Variants in DHX15 observed in about 807,000 individuals in gnomAD.
DHX15 encodes the protein DEAH-box helicase 15.
A neutral mutation model predicts 94.4 loss-of-function variants in DHX15; 11 were observed. That is an observed-to-expected ratio of 0.12 (90% confidence interval 0.07 to 0.19). DHX15 has a LOEUF of 0.19. Among genes scored for constraint, DHX15 ranks in the 10% least tolerant of loss-of-function variants. The pLI is 1.00. For synonymous variants in DHX15, 338 were observed against 329.9 expected (o/e 1.02, Z -0.27); for missense variants, 304 against 988.5 (o/e 0.31, Z 9.29).
At chr4:24,541,375 AG>A (rs1192334931) in intron 8 of DHX15, among the ~76,000 whole-genome samples, 3 of 152,168 alleles carry the variant, frequency 2.0e-5, no homozygotes, top group African/African-American at 7.2e-5. Context: ...CAACTTTTGC[AG>A]TATCACAGTG....
intron 11 of DHX15, among the ~76,000 whole-genome samples, chr4:24,535,477 T>C (rs535818587): frequency 6.6e-6 from 1 of 152,172 alleles, no homozygotes; most frequent in Non-Finnish European, 1.5e-5. Context: ...CAGGGGTAAG[T>C]CTTTAACGCT....
intron 11 of DHX15, 150 bp downstream of exon 11, chr4:24,536,901 T>C (rs1003652299): frequency 2.2e-6 from 2 of 900,450 alleles, no homozygotes; most frequent in Non-Finnish European, 3.1e-6. Context: ...GCAATTTCTA[T>C]TTTAAATGCT....
At chr4:24,546,474 A>C (rs1193955326) in intron 6 of DHX15, among the ~76,000 whole-genome samples, 12 of 152,250 alleles carry the variant, frequency 7.9e-5, no homozygotes, top group Non-Finnish European at 1.8e-4. Flanking sequence ...AAAATGCAGA[A>C]GTTATCTACT....
At chr4:24,554,678 G>C (rs1452319521) in intron 5 of DHX15, 47 bp downstream of exon 5, 5 of 1,440,608 alleles carry the variant, frequency 3.5e-6, no homozygotes, top group South Asian at 1.2e-5. Context: ...CTGCATATTA[G>C]AAACAGTATG....
intron 3 of DHX15, 82 bp downstream of exon 3, chr4:24,570,572 C>A (rs1722100120): frequency 1.8e-5 from 23 of 1,291,088 alleles, no homozygotes; most frequent in East Asian, 2.4e-5. Context: ...ATGACATAAG[C>A]CTGCACTAGC....
At chr4:24,564,150 G>A (rs1159349289) in intron 3 of DHX15, among the ~76,000 whole-genome samples, 2 of 151,432 alleles carry the variant, frequency 1.3e-5, no homozygotes, top group Non-Finnish European at 2.9e-5. Flanking sequence ...TGTTATCAAG[G>A]TTTGAGAAAC....
At chr4:24,550,343 C>A (rs906809630) in intron 5 of DHX15, among the ~76,000 whole-genome samples, 1 of 151,858 alleles carries the variant, frequency 6.6e-6, no homozygotes, top group African/African-American at 2.4e-5. Context: ...ATTAAATTAA[C>A]CTTAGCTTAC....
chr4:24,570,642 T>C lies in DHX15; in HGVS notation c.701+12A>G, dbSNP rs1372143146. 3 of 1,613,004 alleles carry C rather than the reference T, an allele frequency of 1.9e-6. No individual in the cohort carries two copies. The highest frequency in any genetic ancestry group is 2.5e-6 in the Non-Finnish European group (3 of 1,179,094). On this transcript the variant is annotated intron_variant, in intron 3 of 13. Transcript: ENST00000336812. ...AGAGGACTAAAAGCGTCATTAAAGA[T>C]ATAGTACTTACTTAAGAATGGTTTT...
At chr4:24,570,942 A>G in intron 2 of DHX15, 95 bp from the exon 3 acceptor site, 1 of 1,283,808 alleles carries the variant, frequency 7.8e-7, no homozygotes, top group Non-Finnish European at 1.1e-6. Context: ...ATGATTTAAA[A>G]CCAAATCCAA....
chr4:24,546,699 C>A (rs1433283030), intron 6 of DHX15, among the ~76,000 whole-genome samples: 1 of 152,040 alleles, frequency 6.6e-6, no homozygotes, highest in Non-Finnish European at 1.5e-5. Flanking sequence ...GTACCACAAT[C>A]AAGTTATAAA....
At chr4:24,535,438 A>G (rs768297232) in intron 11 of DHX15, among the ~76,000 whole-genome samples, 2 of 152,202 alleles carry the variant, frequency 1.3e-5, no homozygotes, top group Non-Finnish European at 2.9e-5. Context: ...AGAGGAATAC[A>G]GTAGGTTTTT....
intron 2 of DHX15, among the ~76,000 whole-genome samples, chr4:24,572,140 G>GT (rs955603514): frequency 1.2e-4 from 19 of 152,148 alleles, no homozygotes; most frequent in African/African-American, 4.1e-4. Flanking sequence ...CAGATCTTTT[G>GT]TTTTTTTGTT....
chr4:24,575,552 CTA>C (rs1722238543), intron 2 of DHX15, among the ~76,000 whole-genome samples: 3 of 152,150 alleles, frequency 2.0e-5, no homozygotes, highest in Admixed American at 2.0e-4. Flanking sequence ...ACGTGTTCTC[CTA>C]CATGCTCATG....
intron 5 of DHX15, among the ~76,000 whole-genome samples, chr4:24,549,949 TG>T (rs1721551862): frequency 6.6e-6 from 1 of 151,236 alleles, no homozygotes; most frequent in Non-Finnish European, 1.5e-5. Context: ...CAAAATTAGC[TG>T]GGCGTGGTGG....
chr4:24,583,611 T>C (rs1418635898), intron 1 of DHX15, among the ~76,000 whole-genome samples: 1 of 152,076 alleles, frequency 6.6e-6, no homozygotes, highest in African/African-American at 2.4e-5. Flanking sequence ...TTTGAAGTGT[T>C]TGAATGGACC....
intron 1 of DHX15, among the ~76,000 whole-genome samples, chr4:24,582,678 G>C (rs1411982311): frequency 1.3e-5 from 2 of 152,200 alleles, no homozygotes; most frequent in African/African-American, 4.8e-5. Flanking sequence ...GAGTGAAAAT[G>C]ACAAAGGCAG....
intron 11 of DHX15, chr4:24,533,475 G>T: frequency 5.3e-6 from 1 of 189,398 alleles, no homozygotes; most frequent in Non-Finnish European, 1.1e-5. Context: ...TGTTCTTTAT[G>T]CCTGACACAG....
intron 6 of DHX15, among the ~76,000 whole-genome samples, chr4:24,547,774 G>C (rs1225675151): frequency 6.7e-6 from 1 of 148,722 alleles, no homozygotes; most frequent in African/African-American, 2.5e-5. Flanking sequence ...AACATAGTGA[G>C]ACCCCATGTT....
At chr4:24,540,758 T>C (rs1050070740) in intron 9 of DHX15, 82 bp downstream of exon 9, 3 of 728,834 alleles carry the variant, frequency 4.1e-6, no homozygotes, top group South Asian at 3.9e-5. Context: ...ATTTAATACA[T>C]ATATTAAATA....
Sources: gnomAD v4.1 joint callset for allele counts (sites outside exome capture counted in the v4.1 genomes callset) on GRCh38, gnomAD v4.1.1 for gene constraint, MANE v1.5 for transcripts, NCBI Gene and HGNC (gene_info 2026-07-23, HGNC 2026-07-21) for gene names.